SCN8A: variants seen among roughly 807,000 people sequenced by gnomAD.
The protein encoded by SCN8A is sodium voltage-gated channel alpha subunit 8.
A neutral mutation model predicts 184.1 loss-of-function variants in SCN8A; 30 were observed. The observed-to-expected ratio is 0.16, with a 90% CI of 0.12 to 0.22. The LOEUF (loss-of-function observed/expected upper bound fraction) is 0.22, where lower values mean the gene tolerates loss of function less well. Among genes scored for constraint, SCN8A ranks in the 10% least tolerant of loss-of-function variants. SCN8A has a pLI of 1.00. For missense variants in SCN8A, 1,057 were observed against 2,498.9 expected (o/e 0.42, Z 12.30); for synonymous variants, 852 against 907.0 (o/e 0.94, Z 1.09).
Position 51,679,588 on chromosome 12 carries a change from C to T in SCN8A, c.277-4586C>T, listed in dbSNP as rs375646176. Among the ~76,000 whole-genome samples the T allele has an allele frequency of 1.4e-4, 21 of 152,248 alleles. No homozygotes were observed. The South Asian group carries it at 1.7e-3, about 12-fold the overall frequency. On this transcript the variant is annotated intron_variant, in intron 2 of 26. Coordinates refer to ENST00000627620, the MANE Select transcript of SCN8A (RefSeq NM_001330260.2). ...CAAAGCCTGCAGTATTGACTGCCTG[C>T]GCCCTTTCAGAAAAAGCTTGCTGGT...
rs983546795 is a variant in SCN8A at position 51,765,592 on chromosome 12, A to G, written c.2545-79A>G. ...TATTTAATCTGATCTTCCTAATTTT[A>G]TGTTTTTATTTTAGCCATGTGGTGA... is the stretch of plus-strand genomic sequence containing the variant. On this transcript the variant is annotated intron_variant, in intron 15 of 26. Coordinates refer to ENST00000627620, the MANE Select transcript of SCN8A (RefSeq NM_001330260.2). 4 of 856,518 alleles carry G rather than the reference A, an allele frequency of 4.7e-6. No individual in the cohort carries two copies. In the African/African-American group the frequency reaches 5.1e-5, roughly 11 times the overall value. 53.1% of individuals were successfully genotyped at this position (856,518 alleles called of 1,614,324 possible).
intron 25 of SCN8A, 29 bp downstream of exon 25, chr12:51,790,531 G>A (rs1436821359): frequency 6.9e-7 from 1 of 1,440,710 alleles, no homozygotes; most frequent in Non-Finnish European, 9.7e-7. Context: ...CTGAGGCCTT[G>A]GTGAGAACCC....
Position 51,699,561 on chromosome 12 carries a change from T to C in SCN8A, c.707-9T>C. The C allele has an allele frequency of 6.2e-7, 1 of 1,600,410 alleles. No individual in the cohort carries two copies. The highest frequency in any genetic ancestry group is 8.5e-7 in the Non-Finnish European group (1 of 1,170,356). Reference sequence around the variant, plus strand: ...GGTGCCTCTGATTCCGGGGATTCTGTCTCCTCAGGCCTGAAGACAATTGTG... The same window carrying C: ...GGTGCCTCTGATTCCGGGGATTCTGCCTCCTCAGGCCTGAAGACAATTGTG... On this transcript the variant is annotated splice_polypyrimidine_tract_variant and intron_variant, in intron 6 of 26. Transcript: ENST00000627620.
chr12:51,722,082 C>T (rs1209743952), intron 12 of SCN8A, 174 bp downstream of exon 12: 11 of 968,188 alleles, frequency 1.1e-5, no homozygotes, highest in African/African-American at 1.6e-5. Context: ...CTGTGTTCTT[C>T]CTGGCCTATT....
At chr12:51,601,247 A>C (rs1939456950) in intron 1 of SCN8A, among the ~76,000 whole-genome samples, 1 of 152,110 alleles carries the variant, frequency 6.6e-6, no homozygotes, top group African/African-American at 2.4e-5. Flanking sequence ...ATTTTAGTAG[A>C]TCTATAGATT....
Position 51,629,392 on chromosome 12 carries a change from C to T in SCN8A, c.-54-33372C>T, listed in dbSNP as rs536565899. Among the ~76,000 whole-genome samples, 5 of 152,200 alleles carry T rather than the reference C, an allele frequency of 3.3e-5. No homozygotes were observed. In the South Asian group the frequency reaches 1.0e-3, roughly 32 times the overall value. On this transcript the variant is annotated intron_variant, in intron 1 of 26. Transcript: ENST00000627620. ...GTTTAGTAGCATCCCTGGCCTCTAC[C>T]ACTACTTGCCTGTGGTTCCCTCAGC...
intron 1 of SCN8A, among the ~76,000 whole-genome samples, chr12:51,639,878 G>GTTTTT (rs1565869570): frequency 1.6e-4 from 3 of 18,786 alleles, no homozygotes; most frequent in Non-Finnish European, 2.4e-4. Context: ...TAAGGTATAT[G>GTTTTT]CTTTTTTTTT....
intron 12 of SCN8A, among the ~76,000 whole-genome samples, chr12:51,737,524 C>A (rs1188597768): frequency 6.6e-6 from 1 of 152,164 alleles, no homozygotes; most frequent in Non-Finnish European, 1.5e-5. Context: ...CAGGTCGTAT[C>A]CAATTAATAT....
At chr12:51,597,132 C>T (rs192297745) in intron 1 of SCN8A, among the ~76,000 whole-genome samples, 57 of 152,198 alleles carry the variant, frequency 3.7e-4, no homozygotes, top group African/African-American at 1.2e-3. Flanking sequence ...AAATAAAAGC[C>T]AGAAGCCTGA....
intron 1 of SCN8A, among the ~76,000 whole-genome samples, chr12:51,640,212 GTTTTTTTTT>G (rs57362371): frequency 0.05 from 1,716 of 34,454 alleles, 17 homozygotes; most frequent in Non-Finnish European, 0.064. Flanking sequence ...TGCCTGGCCT[GTTTTTTTTT>G]TTTTTTTTTT....
intron 9 of SCN8A, 76 bp downstream of exon 9, chr12:51,702,990 G>C: frequency 7.5e-7 from 1 of 1,341,714 alleles, no homozygotes; most frequent in East Asian, 2.5e-5. Flanking sequence ...CTGTGTGAGA[G>C]ACATTTAGTG....
At chr12:51,687,919 G>T (rs552871405) in intron 5 of SCN8A, among the ~76,000 whole-genome samples, 1 of 152,268 alleles carries the variant, frequency 6.6e-6, no homozygotes, top group African/African-American at 2.4e-5. Context: ...GTGTAGTGGG[G>T]GTGGTGTATA....
Position 51,769,186 on chromosome 12 carries a change from G to A in SCN8A, c.3223G>A (p.Glu1075Lys). Residue 1075 changes from glutamate (E) to lysine (K), a missense_variant, in exon 17 of 27, where the codon GAG becomes AAG. Glu to Lys is a moderately conservative substitution (Grantham distance 56, BLOSUM62 1). This residue lies in a region of SCN8A where 178 missense variants were observed against 259.6 expected (regional missense o/e 0.69). Coordinates refer to ENST00000627620, the MANE Select transcript of SCN8A (RefSeq NM_001330260.2). Reference protein sequence around the residue: ...GTTSGIGSSVEKYIIDEDHMS... With the variant: ...GTTSGIGSSVKKYIIDEDHMS... ...AACCAGCGGCATTGGCAGCAGCGTG[G>A]AGAAGTACATCATTGATGAGGACCA... The A allele has an allele frequency of 2.5e-6, 4 of 1,613,882 alleles. No homozygotes were observed. The highest frequency in any genetic ancestry group is 3.4e-6 in the Non-Finnish European group (4 of 1,179,842).
intron 12 of SCN8A, among the ~76,000 whole-genome samples, chr12:51,741,866 G>A (rs191568211): frequency 1.3e-3 from 204 of 152,022 alleles, no homozygotes; most frequent in East Asian, 7.7e-3. Flanking sequence ...CACCACGCCC[G>A]GCTAATTTTG....
At chr12:51,691,982 A>G (rs1186643185) in intron 6 of SCN8A, among the ~76,000 whole-genome samples, 4 of 152,174 alleles carry the variant, frequency 2.6e-5, no homozygotes, top group Non-Finnish European at 5.9e-5. Context: ...GATCTGGGCC[A>G]TCTCTTGCTT....
At chr12:51,612,832 C>T (rs1939751030) in intron 1 of SCN8A, among the ~76,000 whole-genome samples, 1 of 152,144 alleles carries the variant, frequency 6.6e-6, no homozygotes, top group Admixed American at 6.5e-5. Flanking sequence ...AGTGATTCTC[C>T]TGCCTCAGCC....
chr12:51,773,443 C>T (rs940903578), intron 19 of SCN8A, among the ~76,000 whole-genome samples: 7 of 152,202 alleles, frequency 4.6e-5, no homozygotes, highest in African/African-American at 1.7e-4. Flanking sequence ...ACCTGTATGA[C>T]CCTCCACCCA....
intron 16 of SCN8A, among the ~76,000 whole-genome samples, chr12:51,767,352 A>T (rs747947183): frequency 6.6e-6 from 1 of 152,152 alleles, no homozygotes; most frequent in Non-Finnish European, 1.5e-5. Context: ...CCCTGATGAC[A>T]CTTTTCAGGT....
At chr12:51,728,441 C>T (rs187293193) in intron 12 of SCN8A, among the ~76,000 whole-genome samples, 25 of 152,100 alleles carry the variant, frequency 1.6e-4, no homozygotes, top group Admixed American at 1.3e-3. Flanking sequence ...TAACAATAGT[C>T]CCCTAATGAG....
Sources: allele counts gnomAD v4.1 joint callset (sites outside exome capture counted in the v4.1 genomes callset), GRCh38; gene constraint gnomAD v4.1.1; regional missense constraint gnomAD v4.1.1; transcripts MANE v1.5; gene names NCBI Gene and HGNC (gene_info 2026-07-23, HGNC 2026-07-21).